The following CELF2 variants were observed in gnomAD, a reference collection of about 807,000 sequenced individuals.
CELF2 encodes CUG triplet repeat RNA-binding protein 2.
In CELF2, 8 loss-of-function variants were observed where a neutral mutation model predicts 62.6. That is an observed-to-expected ratio of 0.13 (90% confidence interval 0.07 to 0.23). The LOEUF is 0.23. Among genes scored for constraint, CELF2 ranks in the 10% least tolerant of loss-of-function variants. The probability of loss-of-function intolerance (pLI) is 1.00; values close to 1 mark genes in which losing one functional copy is unlikely to be tolerated. For synonymous variants in CELF2, 258 were observed against 250.0 expected (o/e 1.03, Z -0.30); for missense variants, 333 against 671.0 (o/e 0.50, Z 5.56).
Position 11,165,862 on chromosome 10 carries a change from C to G in CELF2, c.271+180C>G, listed in dbSNP as rs979091836. On this transcript the variant is annotated intron_variant, in intron 2 of 12. Coordinates refer to ENST00000633077, the MANE Select transcript of CELF2 (RefSeq NM_001326342.2). This position sits in a 1 kb window ranked among gnomAD's most constrained non-coding sequence, Gnocchi z 7.4. ...CGACTCCTCCCCGCACCCCCGCCCG[C>G]CTGCCCGCCGGGACAGGTTGGAGGC... is the stretch of plus-strand genomic sequence containing the variant. Among the ~76,000 whole-genome samples, 1 of 152,180 alleles carries G rather than the reference C, an allele frequency of 6.6e-6. No homozygotes were observed. Among genetic ancestry groups the G allele is most frequent in the Non-Finnish European group, 1.5e-5 (1 of 68,024 alleles).
intron 1 of CELF2, among the ~76,000 whole-genome samples, chr10:10,864,981 T>C (rs956588033): frequency 1.1e-4 from 16 of 152,338 alleles, no homozygotes; most frequent in Middle Eastern, 3.4e-3. Context: ...TTTCAAAATC[T>C]TGTGGTGTGG....
chr10:10,950,031 C>A (rs940126013), intron 2 of CELF2, among the ~76,000 whole-genome samples: 1 of 152,088 alleles, frequency 6.6e-6, no homozygotes, highest in Non-Finnish European at 1.5e-5. Flanking sequence ...CTCTGATTAC[C>A]TTGGCAATGC....
At chr10:10,872,813 A>G (rs2060838110) in intron 1 of CELF2, among the ~76,000 whole-genome samples, 1 of 152,218 alleles carries the variant, frequency 6.6e-6, no homozygotes, top group Admixed American at 6.5e-5. Flanking sequence ...TGAAACCTGT[A>G]AAATCATGTG....
the CELF2 span, among the ~76,000 whole-genome samples, chr10:10,565,227 C>T: frequency 8.5e-5 from 13 of 152,328 alleles, no homozygotes; most frequent in South Asian, 2.5e-3. Context: ...TGGGACAACA[C>T]TGAACAAGTC....
At position 10,995,352 on chromosome 10, in the gene CELF2, G is replaced by A. The variant is rs1358013877; in HGVS notation, c.89+75353G>A. 6.6e-6 allele frequency among the ~76,000 whole-genome samples: 1 copy of A among 152,220 alleles called. No homozygotes were observed. The highest frequency in any genetic ancestry group is 1.9e-4 in the East Asian group (1 of 5,180). ...TGTCATCGAATTAATCATATGTTCAGCCAGCCAGTATTTTTGAGCACCTAT... is the reference window on the plus strand; with the variant it reads ...TGTCATCGAATTAATCATATGTTCAACCAGCCAGTATTTTTGAGCACCTAT... On this transcript the variant is annotated intron_variant, in intron 2 of 13. Coordinates refer to the CELF2 transcript ENST00000636488. The surrounding 1 kb of genome is among the most constrained non-coding windows in gnomAD (Gnocchi z 4.7).
At chr10:10,977,081 A>G (rs577866300) in intron 2 of CELF2, among the ~76,000 whole-genome samples, 1 of 150,476 alleles carries the variant, frequency 6.6e-6, no homozygotes, top group East Asian at 1.9e-4. Context: ...GATTTAGACC[A>G]ATTCTTGACA....
chr10:10,939,507 A>C (rs1453560908), intron 2 of CELF2, among the ~76,000 whole-genome samples: 1 of 151,880 alleles, frequency 6.6e-6, no homozygotes, highest in Non-Finnish European at 1.5e-5. Context: ...GCTGATCTCA[A>C]ACTCCTGACC....
intron 1 of CELF2, among the ~76,000 whole-genome samples, chr10:11,150,873 C>G (rs1360612458): frequency 2.6e-5 from 4 of 152,168 alleles, no homozygotes; most frequent in Non-Finnish European, 5.9e-5. Flanking sequence ...CACTGAAGAA[C>G]TACAGTTAGA....
At chr10:11,251,660 TACTC>T (rs985066763) in intron 4 of CELF2, among the ~76,000 whole-genome samples, 8 of 152,224 alleles carry the variant, frequency 5.3e-5, no homozygotes, top group African/African-American at 1.9e-4. Context: ...TATTTAACCT[TACTC>T]AGCATCAGTG....
intron 1 of CELF2, among the ~76,000 whole-genome samples, chr10:10,852,177 C>T (rs2059422342): frequency 6.6e-6 from 1 of 152,130 alleles, no homozygotes; most frequent in Non-Finnish European, 1.5e-5. Context: ...TCTGTATTAG[C>T]CCAAACTGGA....
intron 2 of CELF2, among the ~76,000 whole-genome samples, chr10:10,981,017 A>G (rs920182315): frequency 6.6e-6 from 1 of 152,226 alleles, no homozygotes; most frequent in Admixed American, 6.5e-5. Flanking sequence ...GTGTCACAAA[A>G]TCCTGAACTG....
At chr10:11,069,484 CAGTT>C (rs1333207908) in intron 1 of CELF2, among the ~76,000 whole-genome samples, 1 of 152,164 alleles carries the variant, frequency 6.6e-6, no homozygotes, top group Non-Finnish European at 1.5e-5. Flanking sequence ...TATTCATATC[CAGTT>C]AGTCATTCAG....
intron 1 of CELF2, among the ~76,000 whole-genome samples, chr10:11,137,885 T>C (rs1312908291): frequency 1.3e-5 from 2 of 152,246 alleles, no homozygotes; most frequent in African/African-American, 4.8e-5. Context: ...TCCCTTGTAA[T>C]GTGTACCCAA....
chr10:11,229,984 G>T (rs1445269598), intron 3 of CELF2, among the ~76,000 whole-genome samples: 5 of 152,186 alleles, frequency 3.3e-5, no homozygotes, highest in Admixed American at 6.5e-5. Flanking sequence ...CAAGGGCTAG[G>T]TGGTGGTGAC....
At chr10:11,124,273 A>G (rs796214935) in intron 1 of CELF2, among the ~76,000 whole-genome samples, 20 of 152,298 alleles carry the variant, frequency 1.3e-4, no homozygotes, top group African/African-American at 4.6e-4. Context: ...AGATGTGTGT[A>G]TACATACATA....
At chr10:10,883,874 TTCCTCC>T in intron 1 of CELF2, among the ~76,000 whole-genome samples, 1 of 151,874 alleles carries the variant, frequency 6.6e-6, no homozygotes, top group East Asian at 1.9e-4. Context: ...CATAATTTCC[TTCCTCC>T]TCCTCCTCCT....
At chr10:10,479,711 G>A in the CELF2 span, among the ~76,000 whole-genome samples, 37 of 152,196 alleles carry the variant, frequency 2.4e-4, 1 homozygote, top group South Asian at 6.2e-3. Context: ...CTTTGGACAC[G>A]TCATTTAATA....
At chr10:10,528,125 C>T in the CELF2 span, among the ~76,000 whole-genome samples, 8 of 151,926 alleles carry the variant, frequency 5.3e-5, no homozygotes, top group African/African-American at 1.9e-4. Context: ...TTTACAGATG[C>T]CTGAATTTCC....
chr10:10,705,538 A>C, the CELF2 span, among the ~76,000 whole-genome samples: 1 of 152,106 alleles, frequency 6.6e-6, no homozygotes, highest in African/African-American at 2.4e-5. Flanking sequence ...TCCACCTAAA[A>C]TTATACGCAA....
Sources: allele counts gnomAD v4.1 joint callset (sites outside exome capture counted in the v4.1 genomes callset), GRCh38; gene constraint gnomAD v4.1.1; non-coding constraint Gnocchi (gnomAD v3.1); transcripts MANE v1.5; gene names NCBI Gene and HGNC (gene_info 2026-07-23, HGNC 2026-07-21).